The following ATRNL1 variants were observed in gnomAD, a reference collection of about 807,000 sequenced individuals.
The protein encoded by ATRNL1 is attractin-like protein 1.
In ATRNL1, 95 loss-of-function variants were observed where a neutral mutation model predicts 182.7. That is an observed-to-expected ratio of 0.52 (90% CI 0.44 to 0.62). ATRNL1 has a LOEUF of 0.62. ATRNL1 is among the 20% of genes least tolerant of loss of function. ATRNL1 has a pLI of 0.00. For missense variants in ATRNL1, 1,471 were observed against 1,679.5 expected, an observed-to-expected ratio of 0.88 and a Z score of 2.17; for synonymous variants, 576 against 568.3, an observed-to-expected ratio of 1.01 and a Z score of -0.19.
intron 8 of ATRNL1, among the ~76,000 whole-genome samples, chr10:115,189,186 G>C (rs781922060): frequency 6.6e-6 from 1 of 152,048 alleles, no homozygotes; most frequent in Admixed American, 6.6e-5. Flanking sequence ...GGTGATGCTG[G>C]TGTAAACAAA....
chr10:115,206,793 C>T (rs1027798240), intron 8 of ATRNL1, among the ~76,000 whole-genome samples: 6 of 152,090 alleles, frequency 3.9e-5, no homozygotes, highest in South Asian at 2.1e-4. Context: ...CCCATCAACT[C>T]GTCATTTACA....
At chr10:115,293,172 C>A (rs1853001239) in intron 15 of ATRNL1, among the ~76,000 whole-genome samples, 1 of 152,022 alleles carries the variant, frequency 6.6e-6, no homozygotes, top group Non-Finnish European at 1.5e-5. Context: ...TGTAGCTACT[C>A]CTGTTCACTT....
At chr10:115,356,616 A>G (rs1856514854) in intron 19 of ATRNL1, among the ~76,000 whole-genome samples, 1 of 151,930 alleles carries the variant, frequency 6.6e-6, no homozygotes, top group Non-Finnish European at 1.5e-5. Context: ...TTTTAAAAAG[A>G]ACTATCTGTG....
At chr10:115,368,154 C>G (rs1481152801) in intron 19 of ATRNL1, among the ~76,000 whole-genome samples, 1 of 152,244 alleles carries the variant, frequency 6.6e-6, no homozygotes, top group Non-Finnish European at 1.5e-5. Context: ...TGATCTCAGA[C>G]TGCTGTGCTA....
At chr10:115,263,222 T>C (rs1030060525) in intron 10 of ATRNL1, among the ~76,000 whole-genome samples, 2 of 151,808 alleles carry the variant, frequency 1.3e-5, no homozygotes, top group African/African-American at 4.8e-5. Flanking sequence ...TCTCCAAAGA[T>C]ATACAAATGT....
chr10:115,407,466 G>A (rs1844887365), intron 20 of ATRNL1, among the ~76,000 whole-genome samples: 1 of 150,822 alleles, frequency 6.6e-6, no homozygotes, highest in African/African-American at 2.4e-5. Flanking sequence ...GCTTCCACAT[G>A]TCTAAAGACA....
intron 28 of ATRNL1, among the ~76,000 whole-genome samples, chr10:115,944,308 A>T (rs1012452783): frequency 6.6e-6 from 1 of 150,646 alleles, no homozygotes; most frequent in Non-Finnish European, 1.5e-5. Context: ...AAAAAATAGT[A>T]ACATTTAAAA....
At chr10:115,930,822 G>C (rs959545355) in intron 28 of ATRNL1, among the ~76,000 whole-genome samples, 2 of 152,088 alleles carry the variant, frequency 1.3e-5, no homozygotes, top group Admixed American at 1.3e-4. Context: ...GAAATAATGG[G>C]TAGCCCTTTG....
intron 7 of ATRNL1, among the ~76,000 whole-genome samples, chr10:115,166,698 C>A (rs147034039): frequency 4.6e-5 from 7 of 151,812 alleles, no homozygotes; most frequent in African/African-American, 1.7e-4. Flanking sequence ...TTTGTATATC[C>A]TCTTTGGAGA....
intron 8 of ATRNL1, among the ~76,000 whole-genome samples, chr10:115,202,070 T>C (rs1221036437): frequency 6.6e-6 from 1 of 151,950 alleles, no homozygotes; most frequent in South Asian, 2.1e-4. Context: ...GTGATTTTTG[T>C]ACATTGATTT....
chr10:115,195,395 T>C (rs1554890802), intron 8 of ATRNL1, among the ~76,000 whole-genome samples: 1 of 152,108 alleles, frequency 6.6e-6, no homozygotes, highest in African/African-American at 2.4e-5. Context: ...AGGTTGGATG[T>C]TTTCTTTCCT....
At chr10:115,158,507 G>A (rs1846629367) in intron 5 of ATRNL1, among the ~76,000 whole-genome samples, 1 of 151,894 alleles carries the variant, frequency 6.6e-6, no homozygotes. Flanking sequence ...TTCTCACTCA[G>A]AAATAATAGT....
Position 115,093,846 on chromosome 10 carries a change from C to T in ATRNL1, c.96C>T (p.Ala32=). 6.5e-7 allele frequency: 1 copy of T among 1,541,860 alleles called. No individual in the cohort carries two copies. The highest frequency in any genetic ancestry group is 8.7e-7 in the Non-Finnish European group (1 of 1,148,276). The change falls in exon 1 of 29, where the codon GCC becomes GCT. Residue 32 remains alanine (A), a synonymous_variant. Coordinates refer to ENST00000355044, the MANE Select transcript of ATRNL1 (RefSeq NM_207303.4). The surrounding 1 kb of genome is among the most constrained non-coding windows in gnomAD (Gnocchi z 6.1). ...ARPAGGGGGG[A]SSWLLDGNSW... The stretch of plus-strand genomic sequence containing the variant: ...CGGCGGGCGGCGGCGGCGGGGGCGC[C>T]TCCTCCTGGCTGCTGGACGGGAACA...
rs1434792783 is a variant in ATRNL1, at chr10:115,400,030, A to G, written c.3269+5278A>G. On this transcript the variant is annotated intron_variant, in intron 20 of 28. Coordinates refer to ENST00000355044, the MANE Select transcript of ATRNL1 (RefSeq NM_207303.4). ...TGGAGAAGATTTTTGCAAACTATAC[A>G]TCTGACAAAAGTCTAATTTCTATCA... Among the ~76,000 whole-genome samples, 5 of 152,110 alleles carry G rather than the reference A, an allele frequency of 3.3e-5. No homozygotes were observed. The East Asian group carries it at 9.6e-4, about 29-fold the overall frequency.
At chr10:115,367,090 C>A (rs1554946210) in intron 19 of ATRNL1, among the ~76,000 whole-genome samples, 4 of 102,108 alleles carry the variant, frequency 3.9e-5, no homozygotes, top group African/African-American at 1.6e-4. Flanking sequence ...GGGAAGTTCT[C>A]CTGGATGATA....
chr10:115,571,554 A>T lies in ATRNL1; in HGVS notation c.3795+22018A>T, dbSNP rs17093295. The stretch of plus-strand genomic sequence containing the variant: ...TTGTTGTAAGTATTGAGACCTTCCA[A>T]TGTATTTTCTCTCTAGTAGGCTGGC... On this transcript the variant is annotated intron_variant, in intron 26 of 28. Transcript: ENST00000355044. 1.3e-5 allele frequency among the ~76,000 whole-genome samples: 2 copies of T among 152,040 alleles called. 1 individual carries two copies. The highest frequency in any genetic ancestry group is 4.2e-4 in the South Asian group (2 of 4,818).
rs1255363494 is a variant in ATRNL1 at position 115,577,589 on chromosome 10, G to T, written c.3795+28053G>T. Among the ~76,000 whole-genome samples the T allele has an allele frequency of 5.7e-5, 8 of 141,252 alleles. No homozygotes were observed. The East Asian group carries it at 1.4e-3, about 25-fold the overall frequency. 92.7% of individuals were successfully genotyped at this position (141,252 alleles called of 152,430 possible). A position where few individuals can be genotyped will look rare whatever the true frequency, so the allele number is the denominator to read the frequency against. On this transcript the variant is annotated intron_variant, in intron 26 of 28. Transcript: ENST00000355044. ...TGATTTTGTACCCTACTACTTTACT[G>T]AATTTATTTGTTCTAACAGGTTGTG...
chr10:115,504,305 G>A (rs1849999023), intron 24 of ATRNL1, among the ~76,000 whole-genome samples: 1 of 151,812 alleles, frequency 6.6e-6, no homozygotes, highest in Non-Finnish European at 1.5e-5. Flanking sequence ...TTCATTCCTC[G>A]GTATTGGCTG....
At chr10:115,310,905 A>C (rs1160280236) in intron 17 of ATRNL1, among the ~76,000 whole-genome samples, 2 of 152,116 alleles carry the variant, frequency 1.3e-5, no homozygotes, top group African/African-American at 2.4e-5. Flanking sequence ...ATGTGACATT[A>C]GGTTGTCAGT....
Sources: allele counts gnomAD v4.1 joint callset (sites outside exome capture counted in the v4.1 genomes callset), GRCh38; gene constraint gnomAD v4.1.1; non-coding constraint Gnocchi (gnomAD v3.1); transcripts MANE v1.5; gene names NCBI Gene and HGNC (gene_info 2026-07-23, HGNC 2026-07-21).